The following SLF1 variants were observed in gnomAD, a reference collection of about 807,000 sequenced individuals.
The protein encoded by SLF1 is SMC5-SMC6 complex localization factor protein 1.
Under a neutral mutation model 123.0 loss-of-function variants are expected in SLF1, and 105 were observed. The ratio of observed to expected loss-of-function variants is 0.85; its 90% CI spans 0.73 to 1.00. The LOEUF is 1.00. SLF1 is among the 50% of genes least tolerant of loss of function. SLF1 has a pLI of 0.00. For missense variants in SLF1, 1,239 were observed against 1,223.0 expected, an observed-to-expected ratio of 1.01 and a Z score of -0.20; for synonymous variants, 434 against 406.6, an observed-to-expected ratio of 1.07 and a Z score of -0.81.
At chr5:94,639,096 A>G (rs1464841662) in intron 4 of SLF1, among the ~76,000 whole-genome samples, 1 of 127,112 alleles carries the variant, frequency 7.9e-6, no homozygotes, top group African/African-American at 3.1e-5. Context: ...GCTGGAGTGC[A>G]GTGGCACCAT....
chr5:94,635,865 A>G (rs1164911981), intron 4 of SLF1, among the ~76,000 whole-genome samples: 2 of 152,212 alleles, frequency 1.3e-5, no homozygotes, highest in Non-Finnish European at 2.9e-5. Context: ...TATTCTGAAT[A>G]TGATTCTACA....
intron 4 of SLF1, 119 bp downstream of exon 4, chr5:94,630,862 A>C (rs1295619073): frequency 9.1e-7 from 1 of 1,097,170 alleles, no homozygotes; most frequent in Non-Finnish European, 1.3e-6. Context: ...GATTTACTCC[A>C]ATCTCCTAGG....
intron 15 of SLF1, among the ~76,000 whole-genome samples, chr5:94,679,817 T>C (rs1238466023): frequency 1.3e-5 from 2 of 152,096 alleles, no homozygotes; most frequent in African/African-American, 4.8e-5. Flanking sequence ...TTTCACAAGG[T>C]GAAAAGTTCT....
At chr5:94,653,149 G>C (rs896611714) in intron 7 of SLF1, 123 bp from the exon 8 acceptor site, 4 of 955,950 alleles carry the variant, frequency 4.2e-6, no homozygotes, top group Non-Finnish European at 5.9e-6. Flanking sequence ...GAGCCACCGC[G>C]CCCGGCCGTA....
intron 14 of SLF1, among the ~76,000 whole-genome samples, chr5:94,678,007 G>A (rs551764006): frequency 1.0e-3 from 151 of 151,496 alleles, no homozygotes; most frequent in Non-Finnish European, 1.5e-3. Context: ...TGCAAGCTCC[G>A]CCTCCCGGGT....
chr5:94,671,690 CT>C (rs1750478925), intron 14 of SLF1, among the ~76,000 whole-genome samples: 2 of 137,718 alleles, frequency 1.5e-5, no homozygotes, highest in Non-Finnish European at 3.2e-5. Context: ...CTTCTTGAAT[CT>C]TTTTTTCTTT....
intron 1 of SLF1, among the ~76,000 whole-genome samples, chr5:94,625,319 ATTGGATTTCAC>A (rs1792140126): frequency 6.6e-6 from 1 of 152,084 alleles, no homozygotes; most frequent in African/African-American, 2.4e-5. Context: ...TCACAGATAT[ATTGGATTTCAC>A]TTGTCCAGCA....
At chr5:94,645,073 T>A (rs1430495985) in intron 5 of SLF1, among the ~76,000 whole-genome samples, 1 of 152,186 alleles carries the variant, frequency 6.6e-6, no homozygotes, top group Non-Finnish European at 1.5e-5. Context: ...CTATGGATAA[T>A]CTCATTGTCC....
In SLF1 at chr5:94,675,832, A is replaced by G. The variant is rs568900503; in HGVS notation, c.1828-2976A>G. Among the ~76,000 whole-genome samples, 58 of 151,986 alleles carry G rather than the reference A, an allele frequency of 3.8e-4. 1 individual carries two copies. The highest frequency in any genetic ancestry group is 6.9e-3 in the Middle Eastern group (2 of 290). On this transcript the variant is annotated intron_variant, in intron 14 of 20. Transcript: ENST00000265140. ...AAATTTAATATTAAGCAATATATTA[A>G]TATTCTATTGTGATTTTAACTGTAT... is the stretch of plus-strand genomic sequence containing the variant.
At chr5:94,668,221 A>G (rs969133294) in intron 12 of SLF1, among the ~76,000 whole-genome samples, 1 of 151,718 alleles carries the variant, frequency 6.6e-6, no homozygotes, top group Non-Finnish European at 1.5e-5. Flanking sequence ...GCTCACTGCA[A>G]TCTTGAGCTC....
Position 94,653,372 on chromosome 5 carries a change from A to T in SLF1, c.983A>T (p.His328Leu), listed in dbSNP as rs1042272284. The T allele has an allele frequency of 3.3e-6, 5 of 1,527,544 alleles. No homozygotes were observed. The Admixed American group carries it at 1.2e-4, about 36-fold the overall frequency. The allele number at this position is 1,527,544 out of a possible 1,614,324, so 94.6% of individuals were successfully genotyped here. Residue 328 changes from histidine (H) to leucine (L), a missense_variant, in exon 8 of 21, where the codon CAT becomes CTT. Transcript: ENST00000265140. ...KESNCKKGVEHEKIKSTLRRH... is the reference protein window; with the variant it reads ...KESNCKKGVELEKIKSTLRRH... Reference sequence around the variant, plus strand: ...AGCAATTGCAAGAAAGGCGTTGAACATGAAAAAATAAAAAGTACCTTAAGA... The same window carrying T: ...AGCAATTGCAAGAAAGGCGTTGAACTTGAAAAAATAAAAAGTACCTTAAGA...
intron 14 of SLF1, among the ~76,000 whole-genome samples, chr5:94,671,749 G>T (rs577443447): frequency 2.7e-5 from 4 of 148,394 alleles, no homozygotes; most frequent in African/African-American, 1.0e-4. Flanking sequence ...TACCTGTTGA[G>T]TACAACTTGA....
chr5:94,633,273 C>T (rs1745410816), intron 4 of SLF1, among the ~76,000 whole-genome samples: 1 of 152,186 alleles, frequency 6.6e-6, no homozygotes, highest in African/African-American at 2.4e-5. Flanking sequence ...AGGCGTGAAC[C>T]ACTGCGACCG....
At chr5:94,671,801 T>G (rs1452808881) in intron 14 of SLF1, among the ~76,000 whole-genome samples, 2 of 151,718 alleles carry the variant, frequency 1.3e-5, no homozygotes, top group South Asian at 2.1e-4. Flanking sequence ...GAGTGCTCTG[T>G]TTTTTTTCAA....
rs376035282 is a variant in SLF1 at position 94,628,646 on chromosome 5, G to A, written c.1-165G>A. 2.2e-4 allele frequency among the ~76,000 whole-genome samples: 34 copies of A among 152,228 alleles called. No homozygotes were observed. The East Asian group carries it at 3.5e-3, about 16-fold the overall frequency. On this transcript the variant is annotated intron_variant, in intron 1 of 20. Transcript: ENST00000265140. Reference sequence around the variant, plus strand: ...ATAACTTTTAAAACTAGTTTCTATCGTATATAAGTAATTTTAATATTGTTT... The same window carrying A: ...ATAACTTTTAAAACTAGTTTCTATCATATATAAGTAATTTTAATATTGTTT...
chr5:94,641,612 C>G (rs945815483), intron 4 of SLF1, among the ~76,000 whole-genome samples: 4 of 152,180 alleles, frequency 2.6e-5, no homozygotes, highest in African/African-American at 9.7e-5. Context: ...CATCACTATT[C>G]TTGCTCTGCC....
chr5:94,692,518 T>C (rs1170489227), intron 20 of SLF1, among the ~76,000 whole-genome samples: 1 of 152,148 alleles, frequency 6.6e-6, no homozygotes, highest in African/African-American at 2.4e-5. Flanking sequence ...GTTTTTGAAT[T>C]GAGTTTGCTG....
At chr5:94,686,029 G>T (rs541628905) in intron 15 of SLF1, among the ~76,000 whole-genome samples, 2 of 151,330 alleles carry the variant, frequency 1.3e-5, no homozygotes, top group Non-Finnish European at 2.9e-5. Context: ...TACCTTGTGC[G>T]TTTCTTCTTG....
intron 1 of SLF1, among the ~76,000 whole-genome samples, chr5:94,628,145 T>A (rs1023209093): frequency 1.4e-5 from 2 of 144,332 alleles, no homozygotes; most frequent in Admixed American, 6.9e-5. Flanking sequence ...ATACTTTCTT[T>A]ATTTGTTTAT....
Sources: allele counts gnomAD v4.1 joint callset (sites outside exome capture counted in the v4.1 genomes callset), GRCh38; gene constraint gnomAD v4.1.1; transcripts MANE v1.5; gene names NCBI Gene and HGNC (gene_info 2026-07-23, HGNC 2026-07-21).